The following CEP112 variants were observed in gnomAD, a reference collection of about 807,000 sequenced individuals.
The protein encoded by CEP112 is centrosomal protein of 112 kDa.
In CEP112, 127 loss-of-function variants were observed where a neutral mutation model predicts 153.0. The observed-to-expected ratio is 0.83, with a 90% CI of 0.72 to 0.96. The LOEUF is 0.96. Ranked by LOEUF, CEP112 falls within the 40% of genes least tolerant of loss-of-function variation. CEP112 has a pLI of 0.00. For synonymous variants in CEP112, 358 were observed against 374.4 expected, an observed-to-expected ratio of 0.96 and a Z score of 0.51; for missense variants, 1,089 against 1,101.2, an observed-to-expected ratio of 0.99 and a Z score of 0.16.
At chr17:65,766,787 A>C (rs1264269645) in intron 21 of CEP112, among the ~76,000 whole-genome samples, 1 of 151,654 alleles carries the variant, frequency 6.6e-6, no homozygotes, top group Non-Finnish European at 1.5e-5. Flanking sequence ...CATAAGAGAC[A>C]AAAAAGTCAC....
intron 6 of CEP112, among the ~76,000 whole-genome samples, chr17:66,126,861 C>T (rs1417337349): frequency 3.3e-5 from 5 of 152,010 alleles, no homozygotes; most frequent in African/African-American, 1.2e-4. Context: ...AAAATGTATC[C>T]GTAGTCCAGA....
At chr17:66,141,406 T>G (rs1273946549) in intron 4 of CEP112, among the ~76,000 whole-genome samples, 3 of 114,008 alleles carry the variant, frequency 2.6e-5, no homozygotes, top group African/African-American at 9.4e-5. Flanking sequence ...ATAGTTTTTT[T>G]CTTTTATTGT....
chr17:66,046,867 C>T (rs1025148731), intron 12 of CEP112, among the ~76,000 whole-genome samples: 1 of 152,050 alleles, frequency 6.6e-6, no homozygotes, highest in Non-Finnish European at 1.5e-5. Context: ...GAGGACCACC[C>T]GCAGCCACCA....
At chr17:65,979,885 A>AAATAGTTTGAAACTATTAAT (rs2063167333) in intron 17 of CEP112, among the ~76,000 whole-genome samples, 1 of 152,146 alleles carries the variant, frequency 6.6e-6, no homozygotes, top group Non-Finnish European at 1.5e-5. Context: ...CTCTGGTAAA[A>AAATAGTTTGAAACTATTAAT]AATAGTTTGA....
intron 1 of CEP112, among the ~76,000 whole-genome samples, chr17:66,187,291 A>T (rs747810888): frequency 3.3e-5 from 5 of 152,104 alleles, no homozygotes; most frequent in Non-Finnish European, 7.3e-5. Context: ...ATCTCCCCTC[A>T]TTCTAGCATT....
intron 6 of CEP112, among the ~76,000 whole-genome samples, chr17:66,129,362 G>A (rs2070017750): frequency 6.6e-6 from 1 of 152,074 alleles, no homozygotes; most frequent in Admixed American, 6.6e-5. Flanking sequence ...CTCATCCATG[G>A]GGTCCCCTTG....
At chr17:66,117,662 C>T (rs1327591960) in intron 6 of CEP112, among the ~76,000 whole-genome samples, 1 of 152,106 alleles carries the variant, frequency 6.6e-6, no homozygotes, top group Non-Finnish European at 1.5e-5. Context: ...CAAAAATGGA[C>T]AGATGGGGCG....
chr17:66,029,787 A>T, intron 13 of CEP112, 82 bp downstream of exon 13: 1 of 1,159,722 alleles, frequency 8.6e-7, no homozygotes, highest in Non-Finnish European at 1.2e-6. Context: ...CACAAGGTGT[A>T]ATTAATTTTG....
chr17:65,752,761 C>A (rs890685164), intron 21 of CEP112, among the ~76,000 whole-genome samples: 8 of 152,214 alleles, frequency 5.3e-5, no homozygotes, highest in Middle Eastern at 3.2e-3. Flanking sequence ...TTCCTTCCCC[C>A]AGAAATTGTT....
At chr17:65,791,356 A>T (rs1482725851) in intron 21 of CEP112, among the ~76,000 whole-genome samples, 1 of 152,220 alleles carries the variant, frequency 6.6e-6, no homozygotes, top group African/African-American at 2.4e-5. Flanking sequence ...TTTCTACTGA[A>T]TCAGCCACCA....
At chr17:66,123,841 A>C (rs547955875) in intron 6 of CEP112, among the ~76,000 whole-genome samples, 1 of 152,288 alleles carries the variant, frequency 6.6e-6, no homozygotes, top group Admixed American at 6.5e-5. Flanking sequence ...TGGATTTCCC[A>C]AATAATTTGT....
intron 19 of CEP112, among the ~76,000 whole-genome samples, chr17:65,921,756 T>C (rs1338317597): frequency 6.6e-6 from 1 of 152,226 alleles, no homozygotes; most frequent in Admixed American, 6.5e-5. Flanking sequence ...ATCAATTCTT[T>C]AAAGAATTTA....
intron 18 of CEP112, among the ~76,000 whole-genome samples, chr17:65,952,950 G>C (rs2061885778): frequency 6.6e-6 from 1 of 152,122 alleles, no homozygotes; most frequent in South Asian, 2.1e-4. Context: ...TCTTTTGCCT[G>C]TTTTTAATTG....
chr17:65,653,916 G>A lies in CEP112; in HGVS notation c.2698-12851C>T, dbSNP rs57097189. Among the ~76,000 whole-genome samples, 326 of 151,728 alleles carry A rather than the reference G, an allele frequency of 2.1e-3. 4 individuals carry two copies. Among genetic ancestry groups the A allele is most frequent in the East Asian group, 4.1e-3 (21 of 5,156 alleles). On this transcript the variant is annotated intron_variant, in intron 24 of 26. Coordinates refer to ENST00000535342, the MANE Select transcript of CEP112 (RefSeq NM_001199165.4). ...TCTACGAAAAATACAAAAATTAGCC[G>A]GGCGTGGTGGTGCGCACCTGTAGTC...
intron 4 of CEP112, among the ~76,000 whole-genome samples, chr17:66,169,531 G>T (rs140713441): frequency 6.6e-6 from 1 of 151,820 alleles, no homozygotes; most frequent in African/African-American, 2.4e-5. Context: ...TGATCCGCCC[G>T]CCCTGGCCTC....
rs71293591 is a variant in CEP112 at position 66,038,110 on chromosome 17, A to AAAAAAAAAAAAAG, written c.1219-8088_1219-8087insCTTTTTTTTTTTT. Among the ~76,000 whole-genome samples the AAAAAAAAAAAAAG allele has an allele frequency of 6.2e-3, 742 of 120,544 alleles. 17 individuals are homozygous for AAAAAAAAAAAAAG. The highest frequency in any genetic ancestry group is 0.015 in the African/African-American group (457 of 30,518). The allele number at this position is 120,544 out of a possible 152,430, so 79.1% of individuals were successfully genotyped here. A position where few individuals can be genotyped will look rare whatever the true frequency, so the allele number is the denominator to read the frequency against. On this transcript the variant is annotated intron_variant, in intron 12 of 26. Transcript: ENST00000535342. ...AGCAAGACTCTGTCTCAAAAAAAAAAAAAAGAAAAGAAAAGAAAAGAAAAA... is the reference window on the plus strand; with the variant it reads ...AGCAAGACTCTGTCTCAAAAAAAAAAAAAAAAAAAAAAGAAAAGAAAAGAAAAGAAAAGAAAAA...
chr17:65,781,231 T>G (rs566322880), intron 21 of CEP112, among the ~76,000 whole-genome samples: 1 of 152,178 alleles, frequency 6.6e-6, no homozygotes, highest in South Asian at 2.1e-4. Context: ...AACATCCAAG[T>G]TGAGAGCCAA....
At chr17:65,831,488 C>T (rs372117224) in intron 21 of CEP112, among the ~76,000 whole-genome samples, 19 of 150,608 alleles carry the variant, frequency 1.3e-4, no homozygotes, top group African/African-American at 3.9e-4. Context: ...ACCCAGGAGG[C>T]GGAGCTTGCA....
chr17:66,043,938 T>TA (rs2066093571), intron 12 of CEP112, among the ~76,000 whole-genome samples: 1 of 152,200 alleles, frequency 6.6e-6, no homozygotes, highest in Non-Finnish European at 1.5e-5. Flanking sequence ...CCTTGAACTC[T>TA]ACCTTGTTTA....
Sources: gnomAD v4.1 joint callset for allele counts (sites outside exome capture counted in the v4.1 genomes callset) on GRCh38, gnomAD v4.1.1 for gene constraint, MANE v1.5 for transcripts, NCBI Gene and HGNC (gene_info 2026-07-23, HGNC 2026-07-21) for gene names.